TCF20: variants seen among roughly 807,000 people sequenced by gnomAD.
The protein encoded by TCF20 is transcription factor 20.
Under a neutral mutation model 148.6 loss-of-function variants are expected in TCF20, and 3 were observed. The observed-to-expected ratio is 0.02, with a 90% CI of 0.01 to 0.05. The LOEUF (loss-of-function observed/expected upper bound fraction) is 0.05. Among genes scored for constraint, TCF20 ranks in the 10% least tolerant of loss-of-function variants. The pLI is 1.00. For synonymous variants in TCF20, 1,049 were observed against 909.5 expected (o/e 1.15, Z -2.76); for missense variants, 2,350 against 2,429.3 (o/e 0.97, Z 0.69).
chr22:42,275,731 G>C (rs1019958628), intron 1 of TCF20, among the ~76,000 whole-genome samples: 4 of 152,208 alleles, frequency 2.6e-5, no homozygotes, highest in Non-Finnish European at 5.9e-5. Flanking sequence ...AGGTCACACA[G>C]CTAGGAAGAG....
chr22:42,327,844 T>G (rs1282398761), intron 1 of TCF20, among the ~76,000 whole-genome samples: 1 of 151,006 alleles, frequency 6.6e-6, no homozygotes, highest in Non-Finnish European at 1.5e-5. Flanking sequence ...CAGATCCTCT[T>G]GCTCAAAAAA....
intron 1 of TCF20, among the ~76,000 whole-genome samples, chr22:42,254,959 C>CAAAAAAA (rs10625678): frequency 0.16 from 9,950 of 62,398 alleles, 1,376 homozygotes; most frequent in Non-Finnish European, 0.18. Context: ...GACTCCGTCT[C>CAAAAAAA]AAAAAAAAAA....
chr22:42,261,863 C>A (rs1182954515), intron 1 of TCF20, among the ~76,000 whole-genome samples: 1 of 152,088 alleles, frequency 6.6e-6, no homozygotes, highest in African/African-American at 2.4e-5. Context: ...TGGTGGCGGG[C>A]GCCTGTAATC....
intron 2 of TCF20, among the ~76,000 whole-genome samples, chr22:42,206,591 G>T (rs1938402897): frequency 6.6e-6 from 1 of 152,108 alleles, no homozygotes; most frequent in Non-Finnish European, 1.5e-5. Flanking sequence ...ATTTTAAAAT[G>T]TCATTGTGTA....
intron 1 of TCF20, among the ~76,000 whole-genome samples, chr22:42,289,344 T>C (rs1341592969): frequency 6.6e-6 from 1 of 152,056 alleles, no homozygotes; most frequent in African/African-American, 2.4e-5. Context: ...AGATCTGCCA[T>C]TGCCCAAAGA....
chr22:42,191,805 GAT>G (rs1416261580), intron 2 of TCF20, among the ~76,000 whole-genome samples: 2 of 152,200 alleles, frequency 1.3e-5, no homozygotes, highest in Non-Finnish European at 2.9e-5. Context: ...ATAAGCCATT[GAT>G]TAGCACTTTT....
intron 2 of TCF20, among the ~76,000 whole-genome samples, chr22:42,200,973 T>A (rs550975813): frequency 2.6e-5 from 4 of 152,196 alleles, no homozygotes; most frequent in Non-Finnish European, 5.9e-5. Flanking sequence ...AAATCTCAGG[T>A]TGAACTGTAG....
chr22:42,319,506 C>G (rs1049631208), intron 1 of TCF20, among the ~76,000 whole-genome samples: 2 of 152,192 alleles, frequency 1.3e-5, no homozygotes, highest in Non-Finnish European at 2.9e-5. Flanking sequence ...GGGCTCTGGG[C>G]AAGCCATTTC....
Position 42,210,434 on chromosome 22 carries a change from A to G in TCF20, c.4872T>C (p.Thr1624=), listed in dbSNP as rs1381105611. The G allele has an allele frequency of 6.2e-7, 1 of 1,614,116 alleles. No individual in the cohort carries two copies. The highest frequency in any genetic ancestry group is 8.5e-7 in the Non-Finnish European group (1 of 1,180,044). The change falls in exon 2 of 6, where the codon ACT becomes ACC. Residue 1624 remains threonine (T), a synonymous_variant. Transcript: ENST00000677622. This position sits in a 1 kb window ranked among gnomAD's most constrained non-coding sequence, Gnocchi z 4.7. ...LKYATQPLDK[T]DAKNKSFYPY... ...GGTAAAAAGACTTGTTCTTGGCATCAGTTTTATCCAGTGGCTGGGTGGCAT... is the reference window on the plus strand; with the variant it reads ...GGTAAAAAGACTTGTTCTTGGCATCGGTTTTATCCAGTGGCTGGGTGGCAT...
intron 2 of TCF20, among the ~76,000 whole-genome samples, chr22:42,199,047 A>C (rs1476218197): frequency 6.6e-6 from 1 of 152,214 alleles, no homozygotes; most frequent in African/African-American, 2.4e-5. Flanking sequence ...GTATTATACT[A>C]TTATATCTAG....
intron 1 of TCF20, among the ~76,000 whole-genome samples, chr22:42,260,861 T>C (rs1051718515): frequency 2.0e-5 from 3 of 152,204 alleles, no homozygotes; most frequent in African/African-American, 7.2e-5. Flanking sequence ...AAAAGGAATC[T>C]AGAACAATTC....
At chr22:42,199,498 C>G (rs149886740) in intron 2 of TCF20, among the ~76,000 whole-genome samples, 19 of 152,184 alleles carry the variant, frequency 1.2e-4, no homozygotes, top group African/African-American at 4.6e-4. Context: ...AAATGTTTGA[C>G]ATGTGCTCTT....
intron 1 of TCF20, among the ~76,000 whole-genome samples, chr22:42,217,300 C>T (rs1443037757): frequency 6.6e-6 from 1 of 152,202 alleles, no homozygotes; most frequent in Non-Finnish European, 1.5e-5. Flanking sequence ...CCTGCACGTT[C>T]TTCTCCCAGA....
At chr22:42,257,561 T>A (rs1019850191) in intron 1 of TCF20, among the ~76,000 whole-genome samples, 4 of 152,166 alleles carry the variant, frequency 2.6e-5, no homozygotes, top group African/African-American at 9.7e-5. Flanking sequence ...AAATGGTACA[T>A]TCTTTCTCAA....
At chr22:42,327,094 C>T (rs535320282) in intron 1 of TCF20, among the ~76,000 whole-genome samples, 8 of 152,292 alleles carry the variant, frequency 5.3e-5, no homozygotes, top group South Asian at 4.1e-4. Flanking sequence ...AACGATGAGG[C>T]GAGGGGCTAT....
intron 1 of TCF20, among the ~76,000 whole-genome samples, chr22:42,220,457 C>G (rs1212716384): frequency 2.0e-5 from 3 of 152,224 alleles, no homozygotes. Flanking sequence ...TTCAACCTCC[C>G]AAAGTGCTAG....
At chr22:42,270,063 A>G (rs55644935) in intron 1 of TCF20, 31,432 of 152,582 alleles carry the variant, frequency 0.21, 3,462 homozygotes, top group East Asian at 0.34. Context: ...CAGCACCGGC[A>G]CCCAAGCCCC....
intron 2 of TCF20, among the ~76,000 whole-genome samples, chr22:42,197,261 C>A (rs1937638621): frequency 6.6e-6 from 1 of 152,094 alleles, no homozygotes. Flanking sequence ...TACTTGATTT[C>A]CAGCAAAGTT....
chr22:42,321,356 C>T (rs1927729976), intron 1 of TCF20, among the ~76,000 whole-genome samples: 1 of 152,218 alleles, frequency 6.6e-6, no homozygotes, highest in South Asian at 2.1e-4. Context: ...ATGGCCAGCT[C>T]TGTGAGCTAG....
Sources: allele counts gnomAD v4.1 joint callset (sites outside exome capture counted in the v4.1 genomes callset), GRCh38; gene constraint gnomAD v4.1.1; non-coding constraint Gnocchi (gnomAD v3.1); transcripts MANE v1.5; gene names NCBI Gene and HGNC (gene_info 2026-07-23, HGNC 2026-07-21).